The following ZNF774 variants were observed in gnomAD, a reference collection of about 807,000 sequenced individuals.
ZNF774 encodes the protein zinc finger protein 774.
A neutral mutation model predicts 11.1 loss-of-function variants in ZNF774; 14 were observed. That is an observed-to-expected ratio of 1.26 (90% CI 0.83 to 1.97). The LOEUF (loss-of-function observed/expected upper bound fraction) is 1.97, where lower values mean the gene tolerates loss of function less well. Ranked by LOEUF, ZNF774 falls within the 30% of genes most tolerant of loss-of-function variation. The probability of loss-of-function intolerance (pLI) is 0.00; values close to 1 mark genes in which losing one functional copy is unlikely to be tolerated. For synonymous variants in ZNF774, 195 were observed against 212.6 expected (o/e 0.92, Z 0.72); for missense variants, 599 against 587.0 (o/e 1.02, Z -0.21).
rs56080142 is a variant in ZNF774 at position 90,353,425 on chromosome 15, A to AGTGTGTGTGTGT, written c.-20+1045_-20+1056dup. ...TAAATACAAAAATATTTCCCCCAAA[A>AGTGTGTGTGTGT]GTGTGTGTGTGTGTGTGTGTGTGTG... is the stretch of plus-strand genomic sequence containing the variant. On this transcript the variant is annotated intron_variant, in intron 1 of 3. Coordinates refer to ENST00000354377, the MANE Select transcript of ZNF774 (RefSeq NM_001004309.3). Among the ~76,000 whole-genome samples, 220 of 139,432 alleles carry AGTGTGTGTGTGT rather than the reference A, an allele frequency of 1.6e-3. 1 individual carries two copies. The highest frequency in any genetic ancestry group is 4.1e-3 in the African/African-American group (153 of 37,106). 91.5% of individuals were successfully genotyped at this position (139,432 alleles called of 152,430 possible). A position where few individuals can be genotyped will look rare whatever the true frequency, so the allele number is the denominator to read the frequency against.
chr15:90,360,521 AG>A lies in ZNF774; in HGVS notation c.694del (p.Glu232ArgfsTer20), dbSNP rs1285623919. Reference sequence around the variant, plus strand: ...TCATCAAACATCAGAGAACCCACACAGGGGAGAGACCCTATGAGTGCCCAGA... The same window carrying A: ...TCATCAAACATCAGAGAACCCACACAGGGAGAGACCCTATGAGTGCCCAGA... The part of the protein sequence containing the change: ...TLIKHQRTHT[G>X]ERPYECPECG... On this transcript the variant is annotated frameshift_variant, in exon 4 of 4. Transcript: ENST00000354377. LOFTEE classifies it low-confidence loss of function (END_TRUNC). 5 of 1,613,674 alleles carry A rather than the reference AG, an allele frequency of 3.1e-6. No homozygotes were observed. The African/African-American group carries it at 5.3e-5, about 17-fold the overall frequency.
At position 90,361,047 on chromosome 15, in the gene ZNF774, GGA is replaced by G; in HGVS notation, c.1220_1221del (p.Glu407ValfsTer28). 6.2e-7 allele frequency: 1 copy of G among 1,614,124 alleles called. No homozygotes were observed. The highest frequency in any genetic ancestry group is 8.5e-7 in the Non-Finnish European group (1 of 1,180,012). On this transcript the variant is annotated frameshift_variant, in exon 4 of 4. Coordinates refer to ENST00000354377, the MANE Select transcript of ZNF774 (RefSeq NM_001004309.3). LOFTEE classifies it low-confidence loss of function (END_TRUNC). Reference protein sequence around the residue: ...IHTGERPYKCGECGKSFNQSS... With the variant: ...IHTGERPYKCXECGKSFNQSS... ...CACCGGAGAAAGACCCTACAAATGT[GGA>G]GAGTGTGGGAAGAGCTTCAATCAGA...
intron 2 of ZNF774, among the ~76,000 whole-genome samples, chr15:90,355,722 C>CAAAAAAAAA (rs35498554): frequency 5.0e-5 from 2 of 40,020 alleles, no homozygotes; most frequent in African/African-American, 1.2e-4. Flanking sequence ...GACTCTGTCT[C>CAAAAAAAAA]AAAAAAAAAA....
intron 2 of ZNF774, among the ~76,000 whole-genome samples, chr15:90,357,546 G>T (rs1051346698): frequency 6.6e-6 from 1 of 152,136 alleles, no homozygotes; most frequent in African/African-American, 2.4e-5. Flanking sequence ...AAAGAGTCTG[G>T]GAAAAATAGC....
At position 90,361,163 on chromosome 15, in the gene ZNF774, C is replaced by G; in HGVS notation, c.1332C>G (p.Ser444=). Residue 444 remains serine, a synonymous_variant, in exon 4 of 4, where the codon TCC becomes TCG. Coordinates refer to ENST00000354377, the MANE Select transcript of ZNF774 (RefSeq NM_001004309.3). ...GTGGCAAGACCTTCAATCAGCGTTC[C>G]CATTTCCTCACACACCAGAGAACGC... ...PECGKTFNQR[S]HFLTHQRTHT... 1 of 1,614,184 alleles carries G rather than the reference C, an allele frequency of 6.2e-7. No homozygotes were observed. The highest frequency in any genetic ancestry group is 8.5e-7 in the Non-Finnish European group (1 of 1,180,042).
At position 90,360,367 on chromosome 15, in the gene ZNF774, A is replaced by G. The variant is rs1964310632; in HGVS notation, c.536A>G (p.Tyr179Cys). Residue 179 changes from tyrosine to cysteine, a missense_variant, in exon 4 of 4, where the codon TAT becomes TGT. Transcript: ENST00000354377. ...HLRTHTGERP[Y>C]TCIECGKGFK... is the part of the protein sequence containing the mutation. ...AGAACCCACACTGGCGAGAGGCCCTATACGTGCATTGAGTGTGGGAAAGGC... is the reference window on the plus strand; with the variant it reads ...AGAACCCACACTGGCGAGAGGCCCTGTACGTGCATTGAGTGTGGGAAAGGC... 6.2e-7 allele frequency: 1 copy of G among 1,614,190 alleles called. No individual in the cohort carries two copies. The highest frequency in any genetic ancestry group is 2.2e-5 in the East Asian group (1 of 44,880).
intron 2 of ZNF774, among the ~76,000 whole-genome samples, chr15:90,355,575 T>C (rs1964232785): frequency 6.6e-6 from 1 of 151,372 alleles, no homozygotes; most frequent in African/African-American, 2.4e-5. Flanking sequence ...ATAAAAAAAT[T>C]AGCTGGGTGT....
In ZNF774 at chr15:90,354,727, T is replaced by C; in HGVS notation, c.67T>C (p.Cys23Arg). ...GHCLENPLQE[C>R]HPAQLEEWAL... is the part of the protein sequence containing the mutation. ...CTGCTTAGAGAATCCTCTCCAGGAA[T>C]GCCACCCAGCACAGTTAGAAGAATG... Residue 23 changes from cysteine (C) to arginine (R), a missense_variant, in exon 2 of 4, where the codon TGC becomes CGC. By Grantham distance (180) the Cys-to-Arg change is radical. Coordinates refer to ENST00000354377, the MANE Select transcript of ZNF774 (RefSeq NM_001004309.3). 1 of 1,612,592 alleles carries C rather than the reference T, an allele frequency of 6.2e-7. No homozygotes were observed. Among genetic ancestry groups the C allele is most frequent in the Non-Finnish European group, 8.5e-7 (1 of 1,179,396 alleles).
At position 90,360,982 on chromosome 15, in the gene ZNF774, T is replaced by C; in HGVS notation, c.1151T>C (p.Phe384Ser). The C allele has an allele frequency of 6.2e-7, 1 of 1,614,118 alleles. No individual in the cohort carries two copies. Among genetic ancestry groups the C allele is most frequent in the South Asian group, 1.1e-5 (1 of 91,080 alleles). The change falls in exon 4 of 4, where the codon TTC becomes TCC. Residue 384 changes from phenylalanine (F) to serine (S), a missense_variant. Phe to Ser is a radical substitution (Grantham distance 155, BLOSUM62 -2). Coordinates refer to ENST00000354377, the MANE Select transcript of ZNF774 (RefSeq NM_001004309.3). ...PFKCENCGKG[F>S]ADSSALIKHQ... The stretch of plus-strand genomic sequence containing the variant: ...AAGTGCGAAAACTGTGGGAAAGGAT[T>C]CGCCGACAGCTCCGCCCTCATTAAG...
chr15:90,358,519 G>T (rs1964278269), intron 2 of ZNF774, among the ~76,000 whole-genome samples: 2 of 152,164 alleles, frequency 1.3e-5, no homozygotes, highest in South Asian at 2.1e-4. Flanking sequence ...TAAGGGTGAG[G>T]TCATGGAGGC....
intron 2 of ZNF774, among the ~76,000 whole-genome samples, chr15:90,355,866 A>G (rs1186183296): frequency 6.6e-6 from 1 of 151,360 alleles, no homozygotes; most frequent in East Asian, 2.0e-4. Context: ...CCGTCTTACT[A>G]AAAATACAAA....
In ZNF774 at chr15:90,361,453, T is replaced by C; in HGVS notation, c.*170T>C. 1 of 1,411,514 alleles carries C rather than the reference T, an allele frequency of 7.1e-7. No homozygotes were observed. The highest frequency in any genetic ancestry group is 9.2e-7 in the Non-Finnish European group (1 of 1,087,278). 87.4% of individuals were successfully genotyped at this position (1,411,514 alleles called of 1,614,324 possible). The stretch of plus-strand genomic sequence containing the variant: ...AGAGGATAAACTTAAAGGGTCCAAA[T>C]AACGGTCCGAATACAAAAGGCATTC... On this transcript the variant is annotated 3_prime_UTR_variant, in exon 4 of 4. Coordinates refer to ENST00000354377, the MANE Select transcript of ZNF774 (RefSeq NM_001004309.3).
rs1964355217 is a variant in ZNF774 at position 90,362,810 on chromosome 15, A to G, written c.*1527A>G. 1 of 475,840 alleles carries G rather than the reference A, an allele frequency of 2.1e-6. No homozygotes were observed. The highest frequency in any genetic ancestry group is 4.2e-5 in the South Asian group (1 of 23,930). 29.5% of individuals were successfully genotyped at this position (475,840 alleles called of 1,614,324 possible). A position where few individuals can be genotyped will look rare whatever the true frequency, so the allele number is the denominator to read the frequency against. Reference sequence around the variant, plus strand: ...ACTTTGTTGGTTAACTATAAATGTAATATCTCTATGTTATAATTCTGTTGC... The same window carrying G: ...ACTTTGTTGGTTAACTATAAATGTAGTATCTCTATGTTATAATTCTGTTGC... On this transcript the variant is annotated 3_prime_UTR_variant, in exon 4 of 4. Transcript: ENST00000354377.
At position 90,361,425 on chromosome 15, in the gene ZNF774, C is replaced by G; in HGVS notation, c.*142C>G. 6.8e-7 allele frequency: 1 copy of G among 1,472,238 alleles called. No individual in the cohort carries two copies. Among genetic ancestry groups the G allele is most frequent in the Non-Finnish European group, 8.9e-7 (1 of 1,119,870 alleles). 91.2% of individuals were successfully genotyped at this position (1,472,238 alleles called of 1,614,324 possible). On this transcript the variant is annotated 3_prime_UTR_variant, in exon 4 of 4. Coordinates refer to ENST00000354377, the MANE Select transcript of ZNF774 (RefSeq NM_001004309.3). The stretch of plus-strand genomic sequence containing the variant: ...TCCCTCTTTCTTGTCTATGTTATAA[C>G]AGAGAGGATAAACTTAAAGGGTCCA...
In ZNF774 at chr15:90,361,040, C is replaced by A. The variant is rs753800206; in HGVS notation, c.1209C>A (p.Tyr403Ter). ...HQRIHTGERPYKCGECGKSFN... is the reference protein window; with the variant it reads ...HQRIHTGERP The stretch of plus-strand genomic sequence containing the variant: ...GAATCCACACCGGAGAAAGACCCTA[C>A]AAATGTGGAGAGTGTGGGAAGAGCT... The change falls in exon 4 of 4, where the codon TAC becomes TAA. Residue 403 changes from tyrosine to a stop codon, truncating the protein, a stop_gained. Transcript: ENST00000354377. LOFTEE classifies it low-confidence loss of function (END_TRUNC). 1 of 1,614,164 alleles carries A rather than the reference C, an allele frequency of 6.2e-7. No homozygotes were observed. Among genetic ancestry groups the A allele is most frequent in the Non-Finnish European group, 8.5e-7 (1 of 1,180,030 alleles).
intron 2 of ZNF774, 53 bp downstream of exon 2, chr15:90,354,817 C>A: frequency 7.0e-7 from 1 of 1,421,936 alleles, no homozygotes; most frequent in Non-Finnish European, 9.7e-7. Context: ...TTTTTTGAGA[C>A]GGGGTCTCGC....
rs59687959 is a variant in ZNF774 at position 90,362,748 on chromosome 15, TACACACACACACACACACAC to T, written c.*1484_*1503del. 7 of 489,524 alleles carry T rather than the reference TACACACACACACACACACAC, an allele frequency of 1.4e-5. No individual in the cohort carries two copies. The highest frequency in any genetic ancestry group is 6.2e-5 in the South Asian group (2 of 32,392). The allele number at this position is 489,524 out of a possible 1,614,324, so 30.3% of individuals were successfully genotyped here. ...CAAGGTTGTTGTGAGGATCTAAAAA[TACACACACACACACACACAC>T]ACACACACACACACACACTTTGTTG... is the stretch of plus-strand genomic sequence containing the variant. On this transcript the variant is annotated 3_prime_UTR_variant, in exon 4 of 4. Transcript: ENST00000354377.
At chr15:90,356,371 A>G (rs1471825599) in intron 2 of ZNF774, among the ~76,000 whole-genome samples, 2 of 151,192 alleles carry the variant, frequency 1.3e-5, no homozygotes, top group Non-Finnish European at 2.9e-5. Flanking sequence ...TAATTTTTGT[A>G]TTTTTAGTGG....
At chr15:90,358,994 G>A in intron 3 of ZNF774, 37 bp downstream of exon 3, 2 of 1,525,240 alleles carry the variant, frequency 1.3e-6, no homozygotes, top group Non-Finnish European at 1.8e-6. Context: ...AGGAAATCTA[G>A]CATTTCAGCC....
Sources: allele counts gnomAD v4.1 joint callset (sites outside exome capture counted in the v4.1 genomes callset), GRCh38; gene constraint gnomAD v4.1.1; transcripts MANE v1.5; gene names NCBI Gene and HGNC (gene_info 2026-07-23, HGNC 2026-07-21).